KCNH1: variants seen among roughly 807,000 people sequenced by gnomAD.
The protein encoded by KCNH1 is voltage-gated delayed rectifier potassium channel KCNH1.
In KCNH1, 27 loss-of-function variants were observed where a neutral mutation model predicts 69.2. That is an observed-to-expected ratio of 0.39 (90% confidence interval 0.29 to 0.54). The LOEUF (loss-of-function observed/expected upper bound fraction) is 0.54, where lower values mean the gene tolerates loss of function less well. Ranked by LOEUF, KCNH1 falls within the 20% of genes least tolerant of loss-of-function variation. The probability of loss-of-function intolerance (pLI) is 0.68; values close to 1 mark genes in which losing one functional copy is unlikely to be tolerated. For missense variants in KCNH1, 798 were observed against 1,261.6 expected (o/e 0.63, Z 5.57); for synonymous variants, 456 against 487.7 (o/e 0.93, Z 0.86).
At chr1:210,717,987 A>T (rs1455800126) in intron 10 of KCNH1, among the ~76,000 whole-genome samples, 1 of 151,832 alleles carries the variant, frequency 6.6e-6, no homozygotes, top group Non-Finnish European at 1.5e-5. Context: ...TGCACCTTTA[A>T]TGCCAGCTAC....
intron 5 of KCNH1, among the ~76,000 whole-genome samples, chr1:211,082,270 T>A (rs1158896346): frequency 3.3e-5 from 5 of 152,232 alleles, no homozygotes; most frequent in Non-Finnish European, 4.4e-5. Flanking sequence ...TGTGTCTGAA[T>A]TTCATAAACA....
intron 9 of KCNH1, among the ~76,000 whole-genome samples, chr1:210,789,204 T>C (rs1425073281): frequency 2.0e-5 from 3 of 152,192 alleles, no homozygotes; most frequent in Admixed American, 2.0e-4. Context: ...TGAGGAGCAA[T>C]GCACCACAGT....
At chr1:210,837,092 T>C (rs566049807) in intron 7 of KCNH1, among the ~76,000 whole-genome samples, 1 of 152,312 alleles carries the variant, frequency 6.6e-6, no homozygotes, top group South Asian at 2.1e-4. Flanking sequence ...TTCTAAAGAA[T>C]ATGGGGCCTT....
chr1:210,717,991 C>T (rs1478345449), intron 10 of KCNH1, among the ~76,000 whole-genome samples: 1 of 151,770 alleles, frequency 6.6e-6, no homozygotes, highest in African/African-American at 2.4e-5. Context: ...CCTTTAATGC[C>T]AGCTACTGGG....
intron 5 of KCNH1, among the ~76,000 whole-genome samples, chr1:211,036,823 T>C (rs1211863564): frequency 1.3e-5 from 2 of 152,134 alleles, no homozygotes; most frequent in Non-Finnish European, 2.9e-5. Context: ...TAGGAGAGGC[T>C]TGTGTCTGTC....
At chr1:210,792,421 C>G (rs1684228250) in intron 9 of KCNH1, among the ~76,000 whole-genome samples, 1 of 152,180 alleles carries the variant, frequency 6.6e-6, no homozygotes. Flanking sequence ...AAAATAGCCT[C>G]TGGTGCTTTC....
At chr1:211,041,490 A>G (rs1201366637) in intron 5 of KCNH1, among the ~76,000 whole-genome samples, 1 of 152,106 alleles carries the variant, frequency 6.6e-6, no homozygotes, top group Non-Finnish European at 1.5e-5. Flanking sequence ...ACTATATTCA[A>G]TGTACCATCC....
chr1:211,006,070 G>T (rs368920262), intron 6 of KCNH1, among the ~76,000 whole-genome samples: 6 of 152,200 alleles, frequency 3.9e-5, no homozygotes, highest in Middle Eastern at 3.4e-3. Context: ...CATTGGATTA[G>T]GTAGAATTAA....
At chr1:210,824,128 TC>T (rs1684989116) in intron 7 of KCNH1, among the ~76,000 whole-genome samples, 1 of 143,178 alleles carries the variant, frequency 7.0e-6, no homozygotes, top group Admixed American at 7.2e-5. Flanking sequence ...AAACCTTTGT[TC>T]CCAGGATGTC....
At chr1:210,962,514 C>T (rs764022088) in intron 6 of KCNH1, among the ~76,000 whole-genome samples, 2 of 151,866 alleles carry the variant, frequency 1.3e-5, no homozygotes, top group African/African-American at 2.4e-5. Context: ...TATGCAATCC[C>T]CTGGGTTTTA....
At chr1:210,961,046 T>A (rs541554491) in intron 6 of KCNH1, among the ~76,000 whole-genome samples, 1 of 152,326 alleles carries the variant, frequency 6.6e-6, no homozygotes, top group Non-Finnish European at 1.5e-5. Context: ...TTATAATAGT[T>A]GTTTTAATGC....
rs1423651440 is a variant in KCNH1 at position 211,027,074 on chromosome 1, G to A, written c.559-7818C>T. Among the ~76,000 whole-genome samples, 4 of 152,034 alleles carry A rather than the reference G, an allele frequency of 2.6e-5. No individual in the cohort carries two copies. The East Asian group carries it at 7.7e-4, about 29-fold the overall frequency. Reference sequence around the variant, plus strand: ...ATTCATTCATTATACCAAGAACCAGGAAGACATCAAATGGAATGAAAAACA... The same window carrying A: ...ATTCATTCATTATACCAAGAACCAGAAAGACATCAAATGGAATGAAAAACA... On this transcript the variant is annotated intron_variant, in intron 5 of 10. Coordinates refer to ENST00000271751, the MANE Select transcript of KCNH1 (RefSeq NM_172362.3).
intron 10 of KCNH1, among the ~76,000 whole-genome samples, chr1:210,755,429 A>G (rs980875177): frequency 3.3e-5 from 5 of 152,252 alleles, no homozygotes; most frequent in African/African-American, 1.2e-4. Flanking sequence ...GCCCAGGATG[A>G]AAAATCTGGC....
At chr1:210,801,560 A>G (rs531450079) in intron 8 of KCNH1, among the ~76,000 whole-genome samples, 5 of 152,306 alleles carry the variant, frequency 3.3e-5, no homozygotes, top group African/African-American at 1.2e-4. Context: ...ATCTACAGGG[A>G]GAGGAAGAGA....
chr1:210,895,499 T>C (rs917276600), intron 7 of KCNH1, among the ~76,000 whole-genome samples: 1 of 152,148 alleles, frequency 6.6e-6, no homozygotes, highest in African/African-American at 2.4e-5. Flanking sequence ...TATCCCTTTA[T>C]AAAACATGGA....
At chr1:211,089,457 G>A (rs780915623) in intron 4 of KCNH1, among the ~76,000 whole-genome samples, 4 of 152,208 alleles carry the variant, frequency 2.6e-5, no homozygotes, top group African/African-American at 4.8e-5. Context: ...TTAAAAAATA[G>A]GATGCGCTGG....
At chr1:210,853,606 C>T (rs1408998927) in intron 7 of KCNH1, among the ~76,000 whole-genome samples, 1 of 152,192 alleles carries the variant, frequency 6.6e-6, no homozygotes, top group Non-Finnish European at 1.5e-5. Context: ...TTGGGTACAA[C>T]TAACCAGAGA....
chr1:210,784,561 C>T (rs1325677083), intron 9 of KCNH1, among the ~76,000 whole-genome samples: 1 of 152,114 alleles, frequency 6.6e-6, no homozygotes, highest in African/African-American at 2.4e-5. Context: ...AGAAAGGAAG[C>T]AATGGAGGTG....
In KCNH1 at chr1:210,680,065, A is replaced by C. The variant is rs1474014037; in HGVS notation, c.*3216T>G. On this transcript the variant is annotated 3_prime_UTR_variant, in exon 11 of 11. Coordinates refer to ENST00000271751, the MANE Select transcript of KCNH1 (RefSeq NM_172362.3). ...GCTATCTTGTCATGTCCAGTGGAGG[A>C]GCCCTTTGTAAGTATATGGGATGGC... 6.6e-6 allele frequency: 1 copy of C among 151,964 alleles called. No homozygotes were observed. The highest frequency in any genetic ancestry group is 6.6e-5 in the Admixed American group (1 of 15,258). The allele number at this position is 151,964 out of a possible 1,614,324, so 9.4% of individuals were successfully genotyped here. A position where few individuals can be genotyped will look rare whatever the true frequency, so the allele number is the denominator to read the frequency against.
Sources: gnomAD v4.1 joint callset for allele counts (sites outside exome capture counted in the v4.1 genomes callset) on GRCh38, gnomAD v4.1.1 for gene constraint, MANE v1.5 for transcripts, NCBI Gene and HGNC (gene_info 2026-07-23, HGNC 2026-07-21) for gene names.